FRMD4A: variants seen among roughly 807,000 people sequenced by gnomAD.
The protein encoded by FRMD4A is FERM domain-containing protein 4A.
A neutral mutation model predicts 129.1 loss-of-function variants in FRMD4A; 29 were observed. The observed-to-expected ratio is 0.22, with a 90% CI of 0.17 to 0.31. The LOEUF (loss-of-function observed/expected upper bound fraction) is 0.31, where lower values mean the gene tolerates loss of function less well. Among genes scored for constraint, FRMD4A ranks in the 10% least tolerant of loss-of-function variants. FRMD4A has a pLI of 1.00. For synonymous variants in FRMD4A, 634 were observed against 571.6 expected, an observed-to-expected ratio of 1.11 and a Z score of -1.56; for missense variants, 1,272 against 1,375.8, an observed-to-expected ratio of 0.92 and a Z score of 1.19.
At chr10:13,723,468 G>A (rs903270058) in intron 12 of FRMD4A, among the ~76,000 whole-genome samples, 1 of 152,148 alleles carries the variant, frequency 6.6e-6, no homozygotes, top group African/African-American at 2.4e-5. Flanking sequence ...AGGAGTTATT[G>A]TTTCATGGGT....
chr10:13,981,554 C>G (rs190095787), intron 2 of FRMD4A, among the ~76,000 whole-genome samples: 2 of 151,660 alleles, frequency 1.3e-5, no homozygotes, highest in Admixed American at 6.6e-5. Flanking sequence ...GCCTGGCCAA[C>G]GTGGTGAAAC....
chr10:13,792,808 A>G (rs1211290275), intron 5 of FRMD4A, among the ~76,000 whole-genome samples: 1 of 152,158 alleles, frequency 6.6e-6, no homozygotes. Flanking sequence ...TGGGTCAATG[A>G]AGGCAGGATC....
At chr10:14,192,621 A>T (rs1475641159) in intron 2 of FRMD4A, among the ~76,000 whole-genome samples, 2 of 152,150 alleles carry the variant, frequency 1.3e-5, no homozygotes, top group Non-Finnish European at 2.9e-5. Flanking sequence ...ATGTATTTTC[A>T]TCTCCTCCTT....
chr10:13,800,023 A>AT, intron 4 of FRMD4A, among the ~76,000 whole-genome samples: 1 of 151,754 alleles, frequency 6.6e-6, no homozygotes, highest in East Asian at 1.9e-4. Flanking sequence ...ACTAAAAAAA[A>AT]ATACAAAAAT....
At chr10:14,120,355 C>G (rs2131809674) in intron 2 of FRMD4A, among the ~76,000 whole-genome samples, 1 of 152,156 alleles carries the variant, frequency 6.6e-6, no homozygotes, top group African/African-American at 2.4e-5. Flanking sequence ...TCCTTGAGTT[C>G]CCTGCCTGAT....
At chr10:13,811,573 A>C (rs968093350) in intron 3 of FRMD4A, among the ~76,000 whole-genome samples, 2 of 36,900 alleles carry the variant, frequency 5.4e-5, no homozygotes, top group South Asian at 1.3e-3. Context: ...CTCTGCCTCA[A>C]AAAAAAAAAA....
intron 2 of FRMD4A, among the ~76,000 whole-genome samples, chr10:13,975,492 T>C (rs1338556947): frequency 6.6e-6 from 1 of 152,036 alleles, no homozygotes. Context: ...TCATTGTGTG[T>C]CTGTGTATGC....
At chr10:14,320,542 C>T (rs1039064379) in intron 2 of FRMD4A, among the ~76,000 whole-genome samples, 10 of 152,212 alleles carry the variant, frequency 6.6e-5, no homozygotes, top group African/African-American at 9.7e-5. Flanking sequence ...TGTGGACTAG[C>T]GTTCTAGATC....
chr10:13,847,137 C>T (rs1366778186), intron 3 of FRMD4A, among the ~76,000 whole-genome samples: 1 of 152,158 alleles, frequency 6.6e-6, no homozygotes, highest in Non-Finnish European at 1.5e-5. Context: ...GGTGCAAGAA[C>T]AAGATGACCC....
At chr10:14,287,595 C>T (rs1301669330) in intron 2 of FRMD4A, among the ~76,000 whole-genome samples, 2 of 152,122 alleles carry the variant, frequency 1.3e-5, no homozygotes, top group Non-Finnish European at 2.9e-5. Flanking sequence ...TTCTCAGACC[C>T]AATTGTACTG....
chr10:14,107,994 C>T (rs1837674348), intron 2 of FRMD4A, among the ~76,000 whole-genome samples: 1 of 152,160 alleles, frequency 6.6e-6, no homozygotes, highest in Admixed American at 6.5e-5. Context: ...AGAGTAAATG[C>T]ATATGTGATT....
At chr10:13,887,477 G>A (rs1266648823) in intron 2 of FRMD4A, among the ~76,000 whole-genome samples, 1 of 152,112 alleles carries the variant, frequency 6.6e-6, no homozygotes, top group Non-Finnish European at 1.5e-5. Flanking sequence ...TGAGGAGATC[G>A]AGACCATACT....
At chr10:13,735,954 G>A (rs936918013) in intron 12 of FRMD4A, among the ~76,000 whole-genome samples, 1 of 152,142 alleles carries the variant, frequency 6.6e-6, no homozygotes, top group Non-Finnish European at 1.5e-5. Flanking sequence ...AGGAGTTTGA[G>A]ACAGGCCTGG....
intron 2 of FRMD4A, among the ~76,000 whole-genome samples, chr10:14,219,614 G>T (rs780807963): frequency 6.6e-6 from 1 of 152,086 alleles, no homozygotes; most frequent in Non-Finnish European, 1.5e-5. Flanking sequence ...CACAGTGCTC[G>T]GTGTGATCCT....
At chr10:14,287,425 A>G (rs903068216) in intron 2 of FRMD4A, among the ~76,000 whole-genome samples, 1 of 152,196 alleles carries the variant, frequency 6.6e-6, no homozygotes, top group African/African-American at 2.4e-5. Context: ...TTTTTAAAAA[A>G]TGAATTGAAT....
At chr10:13,782,318 T>G (rs1363854084) in intron 6 of FRMD4A, among the ~76,000 whole-genome samples, 1 of 152,146 alleles carries the variant, frequency 6.6e-6, no homozygotes, top group Non-Finnish European at 1.5e-5. Context: ...CTTTTCACCT[T>G]TGTCTCAGTT....
intron 2 of FRMD4A, among the ~76,000 whole-genome samples, chr10:14,151,546 T>C (rs1040654419): frequency 3.3e-5 from 5 of 152,112 alleles, no homozygotes; most frequent in Admixed American, 1.3e-4. Flanking sequence ...CTAGGTGCAA[T>C]GTCTAATATT....
intron 2 of FRMD4A, among the ~76,000 whole-genome samples, chr10:13,929,957 G>A (rs1457759206): frequency 6.6e-6 from 1 of 152,100 alleles, no homozygotes; most frequent in East Asian, 1.9e-4. Flanking sequence ...ACAGCAAAGA[G>A]CCAGGTACAT....
chr10:13,755,691 T>C (rs2091830368), intron 8 of FRMD4A, among the ~76,000 whole-genome samples: 1 of 152,224 alleles, frequency 6.6e-6, no homozygotes, highest in Non-Finnish European at 1.5e-5. Flanking sequence ...GTTTTTCATT[T>C]TTTGTTTTAA....
Sources: allele counts gnomAD v4.1 joint callset (sites outside exome capture counted in the v4.1 genomes callset), GRCh38; gene constraint gnomAD v4.1.1; transcripts MANE v1.5; gene names NCBI Gene and HGNC (gene_info 2026-07-23, HGNC 2026-07-21).